Variants in CACNG3 observed in about 807,000 individuals in gnomAD.
CACNG3 encodes the protein voltage-dependent calcium channel gamma-3 subunit.
Under a neutral mutation model 28.5 loss-of-function variants are expected in CACNG3, and 3 were observed. The observed-to-expected ratio is 0.11, with a 90% CI of 0.05 to 0.27. The LOEUF (loss-of-function observed/expected upper bound fraction) is 0.27, where lower values mean the gene tolerates loss of function less well. CACNG3 is among the 10% of genes least tolerant of loss of function. The pLI is 1.00. For missense variants in CACNG3, 236 were observed against 414.4 expected (o/e 0.57, Z 3.74); for synonymous variants, 174 against 162.2 (o/e 1.07, Z -0.55).
intron 1 of CACNG3, among the ~76,000 whole-genome samples, chr16:24,261,135 A>G (rs1052353376): frequency 6.6e-6 from 1 of 152,204 alleles, no homozygotes. Context: ...ATAAGATTAG[A>G]GTAACAAATC....
At chr16:24,329,858 A>C (rs1899609015) in intron 1 of CACNG3, among the ~76,000 whole-genome samples, 1 of 152,112 alleles carries the variant, frequency 6.6e-6, no homozygotes, top group Admixed American at 6.5e-5. Context: ...AACATGGTGA[A>C]ATCTGTCTCT....
At chr16:24,264,337 A>C (rs774470974) in intron 1 of CACNG3, among the ~76,000 whole-genome samples, 1 of 152,224 alleles carries the variant, frequency 6.6e-6, no homozygotes, top group Non-Finnish European at 1.5e-5. Flanking sequence ...AAATGTTCGC[A>C]GGGTACTGTA....
rs541946623 is a variant in CACNG3, at chr16:24,272,151, T to C, written c.211+15186T>C. Among the ~76,000 whole-genome samples, 3 of 152,272 alleles carry C rather than the reference T, an allele frequency of 2.0e-5. No individual in the cohort carries two copies. The South Asian group carries it at 6.2e-4, about 32-fold the overall frequency. ...AAAAAAAGAAAGAAATCCTGGATAT[T>C]TTATTGTTATTATATTCTTTCGAGT... On this transcript the variant is annotated intron_variant, in intron 1 of 3. Coordinates refer to ENST00000005284, the MANE Select transcript of CACNG3 (RefSeq NM_006539.4).
intron 1 of CACNG3, among the ~76,000 whole-genome samples, chr16:24,314,272 G>A (rs1899316063): frequency 6.6e-6 from 1 of 152,168 alleles, no homozygotes; most frequent in Non-Finnish European, 1.5e-5. Flanking sequence ...AGAATTTCAA[G>A]AGAGTGACAG....
chr16:24,317,121 T>C (rs1215329927), intron 1 of CACNG3, among the ~76,000 whole-genome samples: 1 of 152,072 alleles, frequency 6.6e-6, no homozygotes, highest in Non-Finnish European at 1.5e-5. Context: ...TGCCCACACA[T>C]CCCATGTCTC....
At chr16:24,351,676 AAGAAAGAAGGAAAGAAAGAAAG>A (rs1310777364) in intron 2 of CACNG3, among the ~76,000 whole-genome samples, 1 of 144,300 alleles carries the variant, frequency 6.9e-6, no homozygotes, top group Non-Finnish European at 1.5e-5. Context: ...GAAAGAAAGA[AAGAAAGAAGGAAAGAAAGAAAG>A]AGAAAGAAAG....
intron 1 of CACNG3, among the ~76,000 whole-genome samples, chr16:24,265,723 A>G (rs1332424920): frequency 6.6e-6 from 1 of 152,244 alleles, no homozygotes; most frequent in Non-Finnish European, 1.5e-5. Flanking sequence ...AATAAAAAAG[A>G]TATAAAATTC....
rs115319159 is a variant in CACNG3 at position 24,309,123 on chromosome 16, T to C, written c.212-37611T>C. ...GGCTCTGAGTGCAGGCACTTAACCA[T>C]TGTTCGATTATCTCTCCAATGCGCA... On this transcript the variant is annotated intron_variant, in intron 1 of 3. Coordinates refer to ENST00000005284, the MANE Select transcript of CACNG3 (RefSeq NM_006539.4). Among the ~76,000 whole-genome samples the C allele has an allele frequency of 8.2e-3, 1,248 of 152,244 alleles. 21 individuals carry two copies. Among genetic ancestry groups the C allele is most frequent in the African/African-American group, 0.027 (1,128 of 41,552 alleles).
intron 1 of CACNG3, among the ~76,000 whole-genome samples, chr16:24,259,176 G>T (rs1161062239): frequency 6.6e-6 from 1 of 152,172 alleles, no homozygotes; most frequent in Non-Finnish European, 1.5e-5. Context: ...TTTTGTTGTT[G>T]TTCACTTTTT....
intron 1 of CACNG3, among the ~76,000 whole-genome samples, chr16:24,293,805 G>A (rs1374321204): frequency 6.6e-6 from 1 of 152,142 alleles, no homozygotes; most frequent in African/African-American, 2.4e-5. Context: ...TCAGTCAGCA[G>A]ATGTTCTCGA....
At chr16:24,267,576 C>A (rs1898630435) in intron 1 of CACNG3, among the ~76,000 whole-genome samples, 1 of 152,164 alleles carries the variant, frequency 6.6e-6, no homozygotes, top group Admixed American at 6.5e-5. Context: ...GTTTAAACCA[C>A]CGTGCCCCAC....
At chr16:24,277,245 A>G (rs1898763912) in intron 1 of CACNG3, among the ~76,000 whole-genome samples, 1 of 152,162 alleles carries the variant, frequency 6.6e-6, no homozygotes, top group South Asian at 2.1e-4. Flanking sequence ...TGACCTAGGA[A>G]TGACCTTGAG....
intron 1 of CACNG3, among the ~76,000 whole-genome samples, chr16:24,328,531 G>A (rs1409954985): frequency 6.6e-6 from 1 of 151,660 alleles, no homozygotes; most frequent in African/African-American, 2.4e-5. Context: ...ATCAGATTGG[G>A]TGCAGGATAT....
intron 1 of CACNG3, among the ~76,000 whole-genome samples, chr16:24,281,565 G>T (rs1337746251): frequency 6.6e-6 from 1 of 152,116 alleles, no homozygotes; most frequent in Non-Finnish European, 1.5e-5. Flanking sequence ...AGAGGCAAAA[G>T]TCTCATTGCA....
At chr16:24,341,818 A>G (rs948064398) in intron 1 of CACNG3, among the ~76,000 whole-genome samples, 2 of 152,206 alleles carry the variant, frequency 1.3e-5, no homozygotes, top group South Asian at 4.1e-4. Flanking sequence ...ACTTTGGCCA[A>G]CTGGAGAGTT....
At position 24,346,774 on chromosome 16, in the gene CACNG3, T is replaced by C. The variant is rs752757837; in HGVS notation, c.252T>C (p.Pro84=). Residue 84 remains proline, a synonymous_variant, in exon 2 of 4, where the codon CCT becomes CCC. Coordinates refer to ENST00000005284, the MANE Select transcript of CACNG3 (RefSeq NM_006539.4). ...RGVCKKIDHF[P]EDADYEQDTA... is the part of the protein sequence containing the mutation. ...TGTGCAAGAAAATCGATCACTTCCC[T>C]GAAGATGCTGACTACGAACAGGACA... The C allele has an allele frequency of 8.1e-6, 13 of 1,614,134 alleles. 1 individual carries two copies. In the South Asian group the frequency reaches 1.4e-4, roughly 18 times the overall value.
intron 3 of CACNG3, 25 bp downstream of exon 3, chr16:24,354,998 G>A (rs749193735): frequency 3.1e-6 from 5 of 1,603,258 alleles, no homozygotes; most frequent in Non-Finnish European, 3.4e-6. Context: ...CCAGCCCTGA[G>A]ATCTTCACAG....
intron 1 of CACNG3, among the ~76,000 whole-genome samples, chr16:24,320,446 T>C (rs796693700): frequency 1.3e-4 from 20 of 152,362 alleles, no homozygotes; most frequent in African/African-American, 4.3e-4. Flanking sequence ...CCTCACAGTT[T>C]GCTGCTGTAT....
intron 3 of CACNG3, among the ~76,000 whole-genome samples, chr16:24,358,841 G>T (rs978193106): frequency 1.3e-5 from 2 of 152,300 alleles, no homozygotes; most frequent in Non-Finnish European, 1.5e-5. Context: ...GACATGGGAA[G>T]TTACTTACCT....
Sources: gnomAD v4.1 joint callset for allele counts (sites outside exome capture counted in the v4.1 genomes callset) on GRCh38, gnomAD v4.1.1 for gene constraint, MANE v1.5 for transcripts, NCBI Gene and HGNC (gene_info 2026-07-23, HGNC 2026-07-21) for gene names.